Variants in PRKCZ observed in about 807,000 individuals in gnomAD.
The protein encoded by PRKCZ is protein kinase C zeta type.
A neutral mutation model predicts 79.5 loss-of-function variants in PRKCZ; 33 were observed. The observed-to-expected ratio is 0.41, with a 90% CI of 0.31 to 0.55. The LOEUF (loss-of-function observed/expected upper bound fraction) is 0.55. Among genes scored for constraint, PRKCZ ranks in the 20% least tolerant of loss-of-function variants. The pLI is 0.19. For synonymous variants in PRKCZ, 342 were observed against 320.9 expected (o/e 1.07, Z -0.70); for missense variants, 578 against 813.5 (o/e 0.71, Z 3.52).
In PRKCZ at chr1:2,078,764, T is replaced by C. The variant is rs1662908225; in HGVS notation, c.334+19173T>C. ...GCTAGGAGACATCTTCAGGTTTCTC[T>C]GTCCAAACCATCTGTTAAGTTTGTT... is the stretch of plus-strand genomic sequence containing the variant. On this transcript the variant is annotated intron_variant, in intron 4 of 17. Coordinates refer to ENST00000378567, the MANE Select transcript of PRKCZ (RefSeq NM_002744.6). 2.6e-5 allele frequency among the ~76,000 whole-genome samples: 4 copies of C among 152,302 alleles called. No individual in the cohort carries two copies. The South Asian group carries it at 8.3e-4, about 32-fold the overall frequency.
At chr1:2,079,781 C>T (rs1663133240) in intron 4 of PRKCZ, among the ~76,000 whole-genome samples, 1 of 152,170 alleles carries the variant, frequency 6.6e-6, no homozygotes, top group African/African-American at 2.4e-5. Flanking sequence ...TTGTCCTGGC[C>T]TTTGCGGCTT....
At chr1:2,078,754 C>T (rs1662906340) in intron 4 of PRKCZ, among the ~76,000 whole-genome samples, 1 of 152,054 alleles carries the variant, frequency 6.6e-6, no homozygotes, top group South Asian at 2.1e-4. Context: ...GAGACATCTT[C>T]AGGTTTCTCT....
chr1:2,121,614 ATGG>A (rs1671972947), intron 4 of PRKCZ, among the ~76,000 whole-genome samples: 1 of 112,262 alleles, frequency 8.9e-6, no homozygotes, highest in African/African-American at 3.0e-5. Flanking sequence ...AATTAGGGTC[ATGG>A]TGGTGGTTAG....
At chr1:2,126,653 G>A (rs944649920) in intron 4 of PRKCZ, among the ~76,000 whole-genome samples, 1 of 152,238 alleles carries the variant, frequency 6.6e-6, no homozygotes, top group African/African-American at 2.4e-5. Flanking sequence ...CATGAGGGCA[G>A]CTGGATGCAG....
intron 4 of PRKCZ, among the ~76,000 whole-genome samples, chr1:2,077,018 G>A (rs572613892): frequency 6.7e-4 from 102 of 152,314 alleles, no homozygotes; most frequent in African/African-American, 2.4e-3. Context: ...GGCAGCCTTG[G>A]TGGGCCCACA....
intron 1 of PRKCZ, chr1:2,050,911 G>A (rs1659578408): frequency 8.0e-6 from 3 of 376,884 alleles, no homozygotes. Flanking sequence ...CCCGGGACCG[G>A]GTTTCCCTGG....
At chr1:2,059,426 G>C (rs1056920077) in intron 3 of PRKCZ, 115 bp from the exon 4 acceptor site, 46 of 1,276,168 alleles carry the variant, frequency 3.6e-5, no homozygotes, top group Middle Eastern at 2.3e-4. Context: ...GCAGTGCCAC[G>C]TGCGCCTTGC....
chr1:2,131,653 C>G (rs562721738), intron 4 of PRKCZ, among the ~76,000 whole-genome samples: 37 of 152,296 alleles, frequency 2.4e-4, no homozygotes, highest in Admixed American at 2.2e-3. Flanking sequence ...GACACTGCCC[C>G]CGGCAGCCAG....
chr1:2,184,655 A>G lies in PRKCZ; in HGVS notation c.1648A>G (p.Thr550Ala). Residue 550 changes from threonine to alanine, a missense_variant, in exon 17 of 18, where the codon ACA (threonine) becomes GCA (alanine). By Grantham distance (58) the Thr-to-Ala change is moderately conservative. Around this residue, in one of 4 missense-constraint regions of PRKCZ, gnomAD observed 243 missense variants for 467.0 expected, o/e 0.52. Coordinates refer to ENST00000378567, the MANE Select transcript of PRKCZ (RefSeq NM_002744.6). ...TDDYGLDNFDTQFTSEPVQLT... is the reference protein window; with the variant it reads ...TDDYGLDNFDAQFTSEPVQLT... ...CGACTACGGTCTGGACAACTTTGAC[A>G]CACAGTTCACCAGCGAGCCCGTGCA... The G allele has an allele frequency of 1.2e-6, 2 of 1,614,034 alleles. No homozygotes were observed. Among genetic ancestry groups the G allele is most frequent in the Non-Finnish European group, 1.7e-6 (2 of 1,180,004 alleles).
intron 4 of PRKCZ, chr1:2,074,217 G>A: frequency 1.9e-6 from 3 of 1,550,528 alleles, no homozygotes; most frequent in Non-Finnish European, 2.6e-6. Flanking sequence ...AGGCTGTGGA[G>A]GGACCTTCTG....
intron 4 of PRKCZ, among the ~76,000 whole-genome samples, chr1:2,079,950 C>T (rs1663173609): frequency 1.3e-5 from 2 of 152,212 alleles, no homozygotes; most frequent in African/African-American, 4.8e-5. Context: ...CCTCTCGTTC[C>T]CTGGCTGCTT....
rs574839634 is a variant in PRKCZ at position 2,082,266 on chromosome 1, T to A, written c.334+22675T>A. ...GCTGTGTATTTGGCAAGAGGGAGGCTCCGTGGCACGATCACACGTGCAGGA... is the reference window on the plus strand; with the variant it reads ...GCTGTGTATTTGGCAAGAGGGAGGCACCGTGGCACGATCACACGTGCAGGA... On this transcript the variant is annotated intron_variant, in intron 4 of 17. Coordinates refer to ENST00000378567, the MANE Select transcript of PRKCZ (RefSeq NM_002744.6). This position sits in a 1 kb window ranked among gnomAD's most constrained non-coding sequence, Gnocchi z 4.4. The A allele has an allele frequency of 1.3e-4, 55 of 413,740 alleles. No homozygotes were observed. The highest frequency in any genetic ancestry group is 4.1e-4 in the Middle Eastern group (1 of 2,466). The allele number at this position is 413,740 out of a possible 1,614,324, so 25.6% of individuals were successfully genotyped here.
chr1:2,104,325 T>G (rs1667995425), intron 4 of PRKCZ, among the ~76,000 whole-genome samples: 1 of 152,146 alleles, frequency 6.6e-6, no homozygotes, highest in South Asian at 2.1e-4. Context: ...GGCTGAAGCC[T>G]GGACTCCTAG....
At chr1:2,182,120 G>A in intron 16 of PRKCZ, 1 of 285,822 alleles carries the variant, frequency 3.5e-6, no homozygotes, top group South Asian at 2.9e-5. Context: ...TGCCATGTTA[G>A]TAGAATGGAT....
rs562528441 is a variant in PRKCZ at position 2,127,400 on chromosome 1, C to G, written c.335-7862C>G. ...GAGGGGCTGCACCTCCACTGCCCCC[C>G]CCACCGCCGCCCCTGCCCCACGGCC... On this transcript the variant is annotated intron_variant, in intron 4 of 17. Transcript: ENST00000378567. The surrounding 1 kb of genome is among the most constrained non-coding windows in gnomAD (Gnocchi z 5.1). 3.4e-4 allele frequency among the ~76,000 whole-genome samples: 51 copies of G among 152,216 alleles called. No individual in the cohort carries two copies. The South Asian group carries it at 9.3e-3, about 28-fold the overall frequency.
chr1:2,144,105 G>A, intron 5 of PRKCZ, 105 bp from the exon 6 acceptor site: 1 of 1,450,942 alleles, frequency 6.9e-7, no homozygotes, highest in East Asian at 2.5e-5. Flanking sequence ...CTGTTGCCCG[G>A]CTCAGTGTCC....
chr1:2,153,412 C>A (rs978413746), intron 9 of PRKCZ, among the ~76,000 whole-genome samples: 15 of 152,244 alleles, frequency 9.9e-5, no homozygotes, highest in African/African-American at 3.6e-4. Context: ...GAGGGGGTCC[C>A]TCCTCGCCAG....
In PRKCZ at chr1:2,106,618, C is replaced by G. The variant is rs565050319; in HGVS notation, c.335-28644C>G. ...AGGACCTCCACACGTGTCACCAGGC[C>G]AGGTAACTCTCAGCAAGCCCCTCTG... On this transcript the variant is annotated intron_variant, in intron 4 of 17. Coordinates refer to ENST00000378567, the MANE Select transcript of PRKCZ (RefSeq NM_002744.6). Among the ~76,000 whole-genome samples the G allele has an allele frequency of 2.1e-4, 13 of 62,296 alleles. 1 individual carries two copies. Among genetic ancestry groups the G allele is most frequent in the African/African-American group, 5.3e-4 (9 of 17,022 alleles). 40.9% of individuals were successfully genotyped at this position (62,296 alleles called of 152,430 possible).
At chr1:2,112,190 A>G (rs1171843134) in intron 4 of PRKCZ, among the ~76,000 whole-genome samples, 1 of 152,186 alleles carries the variant, frequency 6.6e-6, no homozygotes, top group Non-Finnish European at 1.5e-5. Context: ...GTCTGCCTAG[A>G]AGGCAAAAAA....
Sources: allele counts gnomAD v4.1 joint callset (sites outside exome capture counted in the v4.1 genomes callset), GRCh38; gene constraint gnomAD v4.1.1; regional missense constraint gnomAD v4.1.1; non-coding constraint Gnocchi (gnomAD v3.1); transcripts MANE v1.5; gene names NCBI Gene and HGNC (gene_info 2026-07-23, HGNC 2026-07-21).